PRKG1: variants seen among roughly 807,000 people sequenced by gnomAD.
PRKG1 encodes the protein cGMP-dependent protein kinase 1.
Under a neutral mutation model 88.1 loss-of-function variants are expected in PRKG1, and 35 were observed. The observed-to-expected ratio is 0.40, with a 90% CI of 0.30 to 0.53. The LOEUF is 0.53. PRKG1 is among the 20% of genes least tolerant of loss of function. The probability of loss-of-function intolerance (pLI) is 0.59; values close to 1 mark genes in which losing one functional copy is unlikely to be tolerated. For missense variants in PRKG1, 540 were observed against 839.8 expected (o/e 0.64, Z 4.41); for synonymous variants, 303 against 292.5 (o/e 1.04, Z -0.37).
intron 2 of PRKG1, among the ~76,000 whole-genome samples, chr10:51,330,149 T>A (rs1276184711): frequency 2.4e-5 from 3 of 126,032 alleles, no homozygotes; most frequent in Admixed American, 8.0e-5. Context: ...TTATTTATTT[T>A]TTATTTATTT....
At chr10:51,776,518 A>G (rs1218609654) in intron 3 of PRKG1, among the ~76,000 whole-genome samples, 1 of 152,082 alleles carries the variant, frequency 6.6e-6, no homozygotes, top group Non-Finnish European at 1.5e-5. Context: ...CACCTCATCA[A>G]TGAATAACTT....
intron 2 of PRKG1, among the ~76,000 whole-genome samples, chr10:51,156,491 T>A (rs1846219613): frequency 6.6e-6 from 1 of 152,008 alleles, no homozygotes. Flanking sequence ...ATTATCCTTT[T>A]AAAAACAGGG....
At chr10:52,187,623 A>C (rs994048411) in intron 9 of PRKG1, among the ~76,000 whole-genome samples, 7 of 152,240 alleles carry the variant, frequency 4.6e-5, no homozygotes, top group Middle Eastern at 3.2e-3. Context: ...TTTTAAAAAT[A>C]AAGGGCATGA....
intron 1 of PRKG1, among the ~76,000 whole-genome samples, chr10:51,008,166 T>C (rs936985957): frequency 6.6e-6 from 1 of 152,194 alleles, no homozygotes; most frequent in Non-Finnish European, 1.5e-5. Context: ...CGTATAAACA[T>C]CTCTTGGGTT....
At chr10:51,785,707 C>T (rs919010211) in intron 3 of PRKG1, among the ~76,000 whole-genome samples, 3 of 152,094 alleles carry the variant, frequency 2.0e-5, no homozygotes, top group Non-Finnish European at 2.9e-5. Flanking sequence ...CTCCTGTCAA[C>T]ATGATGCCAT....
intron 2 of PRKG1, among the ~76,000 whole-genome samples, chr10:51,318,996 A>C (rs1019493246): frequency 2.0e-5 from 3 of 152,210 alleles, no homozygotes; most frequent in African/African-American, 4.8e-5. Flanking sequence ...TAACTATAGC[A>C]TTATCCTTGC....
intron 2 of PRKG1, among the ~76,000 whole-genome samples, chr10:51,418,332 A>G (rs539315475): frequency 6.6e-6 from 1 of 152,272 alleles, no homozygotes; most frequent in East Asian, 1.9e-4. Flanking sequence ...TGAATAAGGG[A>G]TGTTGGCTGA....
At chr10:51,698,016 C>G in intron 3 of PRKG1, 1 of 1,613,872 alleles carries the variant, frequency 6.2e-7, no homozygotes, top group South Asian at 1.1e-5. Flanking sequence ...CCTTGTATGC[C>G]TGTACCCTGC....
intron 1 of PRKG1, among the ~76,000 whole-genome samples, chr10:51,082,882 C>A (rs1430714448): frequency 1.3e-5 from 2 of 152,148 alleles, no homozygotes; most frequent in Non-Finnish European, 2.9e-5. Context: ...TTAAAACATA[C>A]ATTTGCTGGG....
intron 1 of PRKG1, among the ~76,000 whole-genome samples, chr10:51,083,444 G>A (rs1288400699): frequency 1.3e-5 from 2 of 151,668 alleles, no homozygotes; most frequent in Non-Finnish European, 2.9e-5. Flanking sequence ...AATGATGAGC[G>A]CCTCTTGGAA....
At chr10:51,459,205 C>T (rs557913689) in intron 2 of PRKG1, among the ~76,000 whole-genome samples, 19 of 152,180 alleles carry the variant, frequency 1.2e-4, no homozygotes, top group Admixed American at 1.0e-3. Flanking sequence ...CTTTCATCTT[C>T]CCCCAAACCC....
At chr10:51,644,058 G>A (rs766633827) in intron 3 of PRKG1, among the ~76,000 whole-genome samples, 29 of 152,104 alleles carry the variant, frequency 1.9e-4, no homozygotes, top group South Asian at 6.2e-4. Flanking sequence ...TCTAAAAGAT[G>A]AGTTCCCTGT....
At chr10:52,290,338 TTA>T in intron 17 of PRKG1, 48 bp downstream of exon 17, 2 of 1,449,740 alleles carry the variant, frequency 1.4e-6, no homozygotes, top group Non-Finnish European at 1.9e-6. Context: ...TTGATGGTGT[TTA>T]TGTCAGTCAA....
intron 7 of PRKG1, among the ~76,000 whole-genome samples, chr10:52,109,320 A>G (rs979935318): frequency 2.0e-5 from 3 of 152,254 alleles, no homozygotes; most frequent in Non-Finnish European, 2.9e-5. Context: ...TTCTAAAAGA[A>G]CACATGCAGC....
intron 9 of PRKG1, among the ~76,000 whole-genome samples, chr10:52,203,330 G>T (rs991129467): frequency 6.6e-6 from 1 of 152,104 alleles, no homozygotes; most frequent in Non-Finnish European, 1.5e-5. Flanking sequence ...GGTTTTAAGT[G>T]ATCTTCTTAG....
intron 4 of PRKG1, among the ~76,000 whole-genome samples, chr10:51,878,029 A>AT (rs1014832128): frequency 4.1e-4 from 63 of 152,260 alleles, no homozygotes; most frequent in African/African-American, 1.1e-3. Flanking sequence ...AGAAATATGT[A>AT]TTTTTTACTT....
chr10:51,592,072 A>C (rs1344082469), intron 3 of PRKG1, among the ~76,000 whole-genome samples: 1 of 152,212 alleles, frequency 6.6e-6, no homozygotes, highest in African/African-American at 2.4e-5. Flanking sequence ...CACTCTGCAA[A>C]GAAGCATATT....
rs1009046771 is a variant in PRKG1, at chr10:51,871,965, G to C, written c.699-35542G>C. 2.0e-5 allele frequency among the ~76,000 whole-genome samples: 3 copies of C among 152,162 alleles called. No individual in the cohort carries two copies. The South Asian group carries it at 6.2e-4, about 31-fold the overall frequency. On this transcript the variant is annotated intron_variant, in intron 4 of 17. Transcript: ENST00000373980. Reference sequence around the variant, plus strand: ...GAGGGAGGAAGAAAGGATAAAAGTTGTATTTGTTAGTACCCTTAATGGACT... The same window carrying C: ...GAGGGAGGAAGAAAGGATAAAAGTTCTATTTGTTAGTACCCTTAATGGACT...
chr10:51,600,727 G>A (rs1838575715), intron 3 of PRKG1, among the ~76,000 whole-genome samples: 1 of 152,052 alleles, frequency 6.6e-6, no homozygotes, highest in African/African-American at 2.4e-5. Context: ...CACTTCAGCT[G>A]AGCCACATTT....
Sources: gnomAD v4.1 joint callset for allele counts (sites outside exome capture counted in the v4.1 genomes callset) on GRCh38, gnomAD v4.1.1 for gene constraint, MANE v1.5 for transcripts, NCBI Gene and HGNC (gene_info 2026-07-23, HGNC 2026-07-21) for gene names.